The following PRKAG2 variants were observed in gnomAD, a reference collection of about 807,000 sequenced individuals.
The protein encoded by PRKAG2 is protein kinase AMP-activated non-catalytic subunit gamma 2, also known as 5'-AMP-activated protein kinase subunit gamma-2.
PRKAG2 carries 26 observed loss-of-function variants against 69.6 expected under a neutral mutation model. The observed-to-expected ratio is 0.37, with a 90% CI of 0.27 to 0.52. The LOEUF (loss-of-function observed/expected upper bound fraction) is 0.52. Among genes scored for constraint, PRKAG2 ranks in the 20% least tolerant of loss-of-function variants. PRKAG2 has a pLI of 0.90. For synonymous variants in PRKAG2, 293 were observed against 285.0 expected, an observed-to-expected ratio of 1.03 and a Z score of -0.28; for missense variants, 557 against 740.0, an observed-to-expected ratio of 0.75 and a Z score of 2.87.
chr7:151,724,135 G>A (rs1439381036), intron 3 of PRKAG2, among the ~76,000 whole-genome samples: 1 of 152,152 alleles, frequency 6.6e-6, no homozygotes, highest in African/African-American at 2.4e-5. Context: ...GGTCCGGGGG[G>A]TGCTGGTGGG....
chr7:151,746,207 G>C (rs898755085), intron 3 of PRKAG2, among the ~76,000 whole-genome samples: 5 of 152,244 alleles, frequency 3.3e-5, no homozygotes, highest in Non-Finnish European at 5.9e-5. Context: ...AGGCGATGGG[G>C]CAGGATTTCC....
chr7:151,775,641 A>C (rs1459283305), intron 3 of PRKAG2, among the ~76,000 whole-genome samples: 1 of 152,258 alleles, frequency 6.6e-6, no homozygotes, highest in Non-Finnish European at 1.5e-5. Context: ...CAGTGCAGAC[A>C]GAGGAAATGC....
chr7:151,675,547 C>A lies in PRKAG2; in HGVS notation c.557G>T (p.Arg186Leu), dbSNP rs145006140. Reference sequence around the variant, plus strand: ...CGAGGCATAGATGCGATTCTCTAACCGTTCAGGCTCGTGCTTATAGGATTC... The same window carrying A: ...CGAGGCATAGATGCGATTCTCTAACAGTTCAGGCTCGTGCTTATAGGATTC... ...PLESYKHEPE[R>L]LENRIYASSS... Residue 186 changes from arginine (R) to leucine (L), a missense_variant, in exon 4 of 16, where the codon CGG (arginine) becomes CTG (leucine). Physicochemically the swap from Arg to Leu is moderately radical, Grantham distance 102. Around this residue, in one of 2 missense-constraint regions of PRKAG2, gnomAD observed 352 missense variants for 356.7 expected, o/e 0.99. Coordinates refer to ENST00000287878, the MANE Select transcript of PRKAG2 (RefSeq NM_016203.4). The A allele has an allele frequency of 6.2e-6, 10 of 1,614,110 alleles. No homozygotes were observed. The Admixed American group carries it at 6.7e-5, about 11-fold the overall frequency.
chr7:151,866,233 C>T (rs1444182213), intron 1 of PRKAG2, among the ~76,000 whole-genome samples: 2 of 152,164 alleles, frequency 1.3e-5, no homozygotes, highest in Non-Finnish European at 2.9e-5. Flanking sequence ...GACCGTCCAG[C>T]CTCATCCCCT....
intron 1 of PRKAG2, among the ~76,000 whole-genome samples, chr7:151,805,000 C>T (rs2078030611): frequency 6.6e-6 from 1 of 152,202 alleles, no homozygotes; most frequent in African/African-American, 2.4e-5. Flanking sequence ...GGCACAGGGG[C>T]TCCATGGGGT....
intron 1 of PRKAG2, among the ~76,000 whole-genome samples, chr7:151,822,924 G>A (rs2078822691): frequency 1.3e-5 from 2 of 151,652 alleles, no homozygotes; most frequent in African/African-American, 4.9e-5. Flanking sequence ...ACAACCTCCA[G>A]CGACTAATCA....
chr7:151,843,790 G>C (rs913553674), intron 1 of PRKAG2, among the ~76,000 whole-genome samples: 4 of 152,170 alleles, frequency 2.6e-5, no homozygotes, highest in Admixed American at 1.3e-4. Flanking sequence ...CAAACATCTA[G>C]ACCAAAACCT....
chr7:151,637,581 A>T (rs142604030), intron 4 of PRKAG2, among the ~76,000 whole-genome samples: 4 of 152,302 alleles, frequency 2.6e-5, no homozygotes, highest in Admixed American at 2.6e-4. Flanking sequence ...CCTAAAATAA[A>T]AATGTTTTTA....
At chr7:151,738,597 A>G (rs1217913939) in intron 3 of PRKAG2, among the ~76,000 whole-genome samples, 4 of 152,284 alleles carry the variant, frequency 2.6e-5, no homozygotes, top group Admixed American at 2.6e-4. Context: ...AAACAATAGC[A>G]TGAGCGATCT....
intron 3 of PRKAG2, among the ~76,000 whole-genome samples, chr7:151,678,508 C>T (rs1292872714): frequency 2.0e-5 from 3 of 152,178 alleles, no homozygotes; most frequent in Non-Finnish European, 4.4e-5. Context: ...GCCCCCTTTT[C>T]CAGGGAGTCC....
At chr7:151,751,098 CT>C (rs11386133) in intron 3 of PRKAG2, among the ~76,000 whole-genome samples, 5,633 of 130,762 alleles carry the variant, frequency 0.043, 178 homozygotes, top group African/African-American at 0.14. Context: ...TCAAAGATTC[CT>C]TTTTTTTTTT....
chr7:151,724,754 C>T (rs1224275759), intron 3 of PRKAG2, among the ~76,000 whole-genome samples: 1 of 148,502 alleles, frequency 6.7e-6, no homozygotes, highest in East Asian at 1.9e-4. Context: ...CTCTCCGCGC[C>T]ACGCTCCCTC....
intron 3 of PRKAG2, among the ~76,000 whole-genome samples, chr7:151,742,452 C>T (rs566874148): frequency 3.3e-5 from 5 of 152,080 alleles, no homozygotes; most frequent in Non-Finnish European, 5.9e-5. Context: ...GGTGAAACCC[C>T]GTCTCTACCA....
At chr7:151,745,112 G>T (rs569693154) in intron 3 of PRKAG2, among the ~76,000 whole-genome samples, 1 of 152,108 alleles carries the variant, frequency 6.6e-6, no homozygotes, top group Non-Finnish European at 1.5e-5. Flanking sequence ...ATGGGTGGAC[G>T]GCTGCAGAAG....
At chr7:151,649,724 G>A (rs574767485) in intron 4 of PRKAG2, among the ~76,000 whole-genome samples, 31 of 152,018 alleles carry the variant, frequency 2.0e-4, no homozygotes, top group Admixed American at 2.0e-3. Flanking sequence ...TCCTGCTCCC[G>A]CCACGTGAGG....
rs1253266374 is a variant in PRKAG2, at chr7:151,699,035, G to C, written c.467-23398C>G. Among the ~76,000 whole-genome samples, 1 of 152,178 alleles carries C rather than the reference G, an allele frequency of 6.6e-6. No homozygotes were observed. Among genetic ancestry groups the C allele is most frequent in the Non-Finnish European group, 1.5e-5 (1 of 68,032 alleles). On this transcript the variant is annotated intron_variant, in intron 3 of 15. Transcript: ENST00000287878. The surrounding 1 kb of genome is among the most constrained non-coding windows in gnomAD (Gnocchi z 4.5). The stretch of plus-strand genomic sequence containing the variant: ...ACTGATAGGCTCAAACGGGCCGTGG[G>C]AGGGTTTCAGGACAGGGTACAGGAA...
intron 3 of PRKAG2, among the ~76,000 whole-genome samples, chr7:151,684,716 C>T (rs989253530): frequency 3.9e-5 from 6 of 152,106 alleles, no homozygotes; most frequent in African/African-American, 7.2e-5. Context: ...CTCCACCCTG[C>T]GGCCCCTCCA....
intron 4 of PRKAG2, among the ~76,000 whole-genome samples, chr7:151,654,199 A>ATTTAAC (rs1829054004): frequency 6.6e-6 from 1 of 152,130 alleles, no homozygotes; most frequent in South Asian, 2.1e-4. Context: ...CCTTTCTTCC[A>ATTTAAC]TTTAACTTTG....
chr7:151,557,429 C>T, intron 15 of PRKAG2, 197 bp from the exon 16 acceptor site: 1 of 985,262 alleles, frequency 1.0e-6, no homozygotes, highest in Non-Finnish European at 1.2e-6. Context: ...ATCCACGTAA[C>T]ATCTTGTCAT....
Sources: gnomAD v4.1 joint callset for allele counts (sites outside exome capture counted in the v4.1 genomes callset) on GRCh38, gnomAD v4.1.1 for gene constraint, gnomAD v4.1.1 regional missense constraint, Gnocchi (gnomAD v3.1) non-coding constraint, MANE v1.5 for transcripts, NCBI Gene and HGNC (gene_info 2026-07-23, HGNC 2026-07-21) for gene names.